Variants in NPAS3 observed in about 807,000 individuals in gnomAD.
NPAS3 encodes neuronal PAS domain-containing protein 3.
A neutral mutation model predicts 73.1 loss-of-function variants in NPAS3; 14 were observed. That is an observed-to-expected ratio of 0.19 (90% CI 0.13 to 0.30). The LOEUF is 0.30. NPAS3 is among the 10% of genes least tolerant of loss of function. The pLI is 1.00. For missense variants in NPAS3, 1,096 were observed against 1,250.0 expected, an observed-to-expected ratio of 0.88 and a Z score of 1.86; for synonymous variants, 620 against 541.5, an observed-to-expected ratio of 1.14 and a Z score of -2.01.
intron 2 of NPAS3, among the ~76,000 whole-genome samples, chr14:33,060,800 A>G (rs1174482454): frequency 6.6e-6 from 1 of 152,106 alleles, no homozygotes. Flanking sequence ...CTCCAGGTGA[A>G]CAAATTCAAG....
intron 3 of NPAS3, among the ~76,000 whole-genome samples, chr14:33,332,563 T>G (rs532069397): frequency 3.3e-5 from 5 of 152,310 alleles, no homozygotes; most frequent in African/African-American, 9.6e-5. Context: ...TGTTTTAAAA[T>G]TAATCCAACG....
intron 5 of NPAS3, among the ~76,000 whole-genome samples, chr14:33,612,196 G>T (rs1213681297): frequency 6.6e-6 from 1 of 152,130 alleles, no homozygotes; most frequent in Admixed American, 6.5e-5. Context: ...TGGTCAGAAG[G>T]CCCCTGCCGG....
chr14:33,540,452 C>T (rs888453644), intron 4 of NPAS3, among the ~76,000 whole-genome samples: 7 of 152,168 alleles, frequency 4.6e-5, no homozygotes, highest in South Asian at 2.1e-4. Flanking sequence ...AATCCTTGCA[C>T]GCTGGGAAGA....
intron 3 of NPAS3, among the ~76,000 whole-genome samples, chr14:33,355,450 A>G (rs565738719): frequency 2.8e-4 from 43 of 152,120 alleles, no homozygotes; most frequent in African/African-American, 9.2e-4. Flanking sequence ...ACAGGCACGC[A>G]CCATCATGCC....
At chr14:33,406,597 A>G (rs2047679422) in intron 4 of NPAS3, among the ~76,000 whole-genome samples, 1 of 152,092 alleles carries the variant, frequency 6.6e-6, no homozygotes, top group Admixed American at 6.6e-5. Context: ...ACCTTTACCA[A>G]AAAGCATAAG....
intron 2 of NPAS3, among the ~76,000 whole-genome samples, chr14:33,154,507 G>A (rs1197604787): frequency 6.6e-6 from 1 of 152,184 alleles, no homozygotes; most frequent in Admixed American, 6.5e-5. Flanking sequence ...AATGCTTCCC[G>A]ACTTCTTTTT....
intron 3 of NPAS3, among the ~76,000 whole-genome samples, chr14:33,257,825 T>C (rs1014731914): frequency 2.0e-5 from 3 of 152,144 alleles, no homozygotes; most frequent in Non-Finnish European, 4.4e-5. Flanking sequence ...TCCTATTATA[T>C]TACAAAGGAG....
At chr14:33,214,121 A>G (rs1177410388) in intron 2 of NPAS3, 2 of 152,212 alleles carry the variant, frequency 1.3e-5, no homozygotes, top group African/African-American at 4.8e-5. Context: ...TAAAATGCAT[A>G]CATAAAAATG....
chr14:33,188,797 A>C (rs1479304915), intron 2 of NPAS3, among the ~76,000 whole-genome samples: 1 of 152,192 alleles, frequency 6.6e-6, no homozygotes, highest in Non-Finnish European at 1.5e-5. Flanking sequence ...ATTCCTGTAT[A>C]TCTTTACAGA....
intron 4 of NPAS3, among the ~76,000 whole-genome samples, chr14:33,380,572 G>A (rs900811301): frequency 6.6e-6 from 1 of 152,086 alleles, no homozygotes; most frequent in African/African-American, 2.4e-5. Context: ...GTAATCCACG[G>A]GACAGTGTTA....
chr14:33,663,902 T>G (rs192881670), intron 5 of NPAS3, among the ~76,000 whole-genome samples: 7 of 152,276 alleles, frequency 4.6e-5, no homozygotes, highest in Admixed American at 2.6e-4. Context: ...TTACCATTTT[T>G]TATTGTGTCT....
At chr14:33,024,503 C>T (rs1328116888) in intron 1 of NPAS3, among the ~76,000 whole-genome samples, 2 of 152,080 alleles carry the variant, frequency 1.3e-5, no homozygotes, top group African/African-American at 4.8e-5. Flanking sequence ...TCACATGTCT[C>T]CATGTCTCTA....
At chr14:33,550,685 C>A (rs984682220) in intron 4 of NPAS3, among the ~76,000 whole-genome samples, 1 of 152,166 alleles carries the variant, frequency 6.6e-6, no homozygotes, top group Admixed American at 6.5e-5. Flanking sequence ...AATGGTAAAC[C>A]ATGTTGTTTA....
At chr14:33,642,643 G>C (rs1013116781) in intron 5 of NPAS3, among the ~76,000 whole-genome samples, 5 of 152,160 alleles carry the variant, frequency 3.3e-5, no homozygotes, top group African/African-American at 1.2e-4. Flanking sequence ...TTTTAGACTT[G>C]CTCTGTCTTT....
intron 1 of NPAS3, among the ~76,000 whole-genome samples, chr14:33,018,551 G>C (rs972678549): frequency 1.3e-5 from 2 of 152,134 alleles, no homozygotes; most frequent in Non-Finnish European, 2.9e-5. Flanking sequence ...TCTTTGAAAA[G>C]AATGCATTTT....
intron 4 of NPAS3, among the ~76,000 whole-genome samples, chr14:33,552,192 CGT>C (rs1488761360): frequency 2.0e-5 from 3 of 152,134 alleles, no homozygotes; most frequent in Non-Finnish European, 4.4e-5. Context: ...GAGACTCACT[CGT>C]GTGGAAAGAA....
chr14:33,458,216 G>A (rs1281202751), intron 4 of NPAS3, among the ~76,000 whole-genome samples: 1 of 152,138 alleles, frequency 6.6e-6, no homozygotes, highest in Non-Finnish European at 1.5e-5. Context: ...AAACTTCAGT[G>A]GCTTAGAATT....
At chr14:33,364,342 T>G (rs1006739359) in intron 3 of NPAS3, among the ~76,000 whole-genome samples, 2 of 152,320 alleles carry the variant, frequency 1.3e-5, no homozygotes, top group South Asian at 2.1e-4. Flanking sequence ...CCAAATGTGA[T>G]AGGATAAGTG....
chr14:33,070,265 A>G (rs1331150082), intron 2 of NPAS3, among the ~76,000 whole-genome samples: 2 of 152,030 alleles, frequency 1.3e-5, no homozygotes, highest in African/African-American at 4.8e-5. Flanking sequence ...TTTGCTACCT[A>G]ATATCTCCTT....
Sources: gnomAD v4.1 joint callset for allele counts (sites outside exome capture counted in the v4.1 genomes callset) on GRCh38, gnomAD v4.1.1 for gene constraint, MANE v1.5 for transcripts, NCBI Gene and HGNC (gene_info 2026-07-23, HGNC 2026-07-21) for gene names.